The following DLGAP1 variants were observed in gnomAD, a reference collection of about 807,000 sequenced individuals.
The protein encoded by DLGAP1 is disks large-associated protein 1.
DLGAP1 carries 11 observed loss-of-function variants against 90.8 expected under a neutral mutation model. The ratio of observed to expected loss-of-function variants is 0.12; its 90% CI spans 0.08 to 0.20. The LOEUF is 0.20. Among genes scored for constraint, DLGAP1 ranks in the 10% least tolerant of loss-of-function variants. The pLI is 1.00. For missense variants in DLGAP1, 1,050 were observed against 1,333.8 expected, an observed-to-expected ratio of 0.79 and a Z score of 3.31; for synonymous variants, 558 against 540.7, an observed-to-expected ratio of 1.03 and a Z score of -0.44.
chr18:4,265,658 TCCCTC>T (rs1568480304), intron 1 of DLGAP1, among the ~76,000 whole-genome samples: 21 of 45,962 alleles, frequency 4.6e-4, no homozygotes, highest in African/African-American at 3.9e-3. Flanking sequence ...CCTCCCTCCC[TCCCTC>T]CCTTCCTTCC....
intron 1 of DLGAP1, among the ~76,000 whole-genome samples, chr18:4,245,452 C>A (rs2078634766): frequency 6.6e-6 from 1 of 152,128 alleles, no homozygotes; most frequent in Admixed American, 6.5e-5. Context: ...AGAAAAAAGA[C>A]AAAGCTTGCT....
chr18:3,599,909 TC>T (rs2145699923), intron 7 of DLGAP1, among the ~76,000 whole-genome samples: 1 of 151,078 alleles, frequency 6.6e-6, no homozygotes, highest in South Asian at 2.1e-4. Flanking sequence ...GAGCCACCAT[TC>T]CCAGCCAATT....
intron 1 of DLGAP1, among the ~76,000 whole-genome samples, chr18:4,354,992 T>A (rs778199955): frequency 3.0e-4 from 44 of 148,066 alleles, no homozygotes; most frequent in Non-Finnish European, 5.8e-4. Context: ...CTCGCCAGGA[T>A]GCAGAGACTC....
chr18:4,178,989 G>A (rs970031923), intron 1 of DLGAP1, among the ~76,000 whole-genome samples: 2 of 152,086 alleles, frequency 1.3e-5, no homozygotes, highest in South Asian at 2.1e-4. Flanking sequence ...GGAAAATTAT[G>A]TGTTTAGTGT....
chr18:4,436,477 C>G (rs1337213920), intron 1 of DLGAP1, among the ~76,000 whole-genome samples: 1 of 152,088 alleles, frequency 6.6e-6, no homozygotes, highest in Non-Finnish European at 1.5e-5. Flanking sequence ...GTTGCTGGTC[C>G]AGAACCCATA....
rs1003602118 is a variant in DLGAP1, at chr18:4,062,405, C to T, written c.-158-57204G>A. ...ATCTACACAGTCCGTGTACAGGGTA[C>T]CTGATTTGTGGTAAGTAAAGAATGT... On this transcript the variant is annotated intron_variant, in intron 2 of 12. Transcript: ENST00000315677. Among the ~76,000 whole-genome samples, 7 of 152,256 alleles carry T rather than the reference C, an allele frequency of 4.6e-5. No individual in the cohort carries two copies. The South Asian group carries it at 1.2e-3, about 27-fold the overall frequency.
intron 7 of DLGAP1, among the ~76,000 whole-genome samples, chr18:3,713,461 C>T (rs1461630129): frequency 6.6e-6 from 1 of 152,166 alleles, no homozygotes; most frequent in Non-Finnish European, 1.5e-5. Flanking sequence ...GGGGAGGCTT[C>T]AGTCTAAAAG....
intron 5 of DLGAP1, among the ~76,000 whole-genome samples, chr18:3,750,624 A>G (rs1040902352): frequency 1.3e-5 from 2 of 152,126 alleles, no homozygotes; most frequent in Non-Finnish European, 2.9e-5. Flanking sequence ...TGAGTCCTGT[A>G]TCCTTGAATG....
chr18:4,276,105 T>C (rs1351096067), intron 1 of DLGAP1, among the ~76,000 whole-genome samples: 1 of 148,918 alleles, frequency 6.7e-6, no homozygotes, highest in Non-Finnish European at 1.5e-5. Context: ...GTTTTGTCTA[T>C]TGTCCAAGAA....
At position 4,154,796 on chromosome 18, in the gene DLGAP1, ACTCATTCATTCT is replaced by A; in HGVS notation, c.-266-3521_-266-3510del. Among the ~76,000 whole-genome samples the A allele has an allele frequency of 2.0e-5, 3 of 152,268 alleles. 1 individual carries two copies. The Middle Eastern group carries it at 0.01, about 518-fold the overall frequency. On this transcript the variant is annotated intron_variant, in intron 1 of 12. Transcript: ENST00000315677. ...GTTAGTATGAGGAACAAGGGAAAGC[ACTCATTCATTCT>A]CTCATTCATTCATTCGCCCCACCGT...
At chr18:3,835,984 T>C (rs139299170) in intron 4 of DLGAP1, among the ~76,000 whole-genome samples, 3 of 152,328 alleles carry the variant, frequency 2.0e-5, no homozygotes, top group African/African-American at 7.2e-5. Flanking sequence ...CTTGACCTTA[T>C]ATACCTATTT....
At position 3,546,327 on chromosome 18, in the gene DLGAP1, T is replaced by C. The variant is rs947652088; in HGVS notation, c.2058-11712A>G. ...TACACCGGAGACTGAGGTGGGAGGA[T>C]CCCTTGAGACCAGGGAGGAAGAGGT... On this transcript the variant is annotated intron_variant, in intron 9 of 12. Transcript: ENST00000315677. Among the ~76,000 whole-genome samples, 26 of 150,014 alleles carry C rather than the reference T, an allele frequency of 1.7e-4. No homozygotes were observed. The South Asian group carries it at 2.9e-3, about 17-fold the overall frequency.
At chr18:3,999,082 T>C (rs1233600645) in intron 3 of DLGAP1, among the ~76,000 whole-genome samples, 1 of 152,162 alleles carries the variant, frequency 6.6e-6, no homozygotes, top group Non-Finnish European at 1.5e-5. Context: ...TTTCTCCCTG[T>C]CTCCTCAATC....
At chr18:4,262,746 T>C (rs991770416) in intron 1 of DLGAP1, among the ~76,000 whole-genome samples, 9 of 152,162 alleles carry the variant, frequency 5.9e-5, no homozygotes, top group Non-Finnish European at 1.2e-4. Flanking sequence ...TCCCTAGTTA[T>C]GTGTCCCTGG....
At chr18:4,260,524 T>A (rs532962039) in intron 1 of DLGAP1, among the ~76,000 whole-genome samples, 66 of 152,332 alleles carry the variant, frequency 4.3e-4, no homozygotes, top group Non-Finnish European at 7.8e-4. Flanking sequence ...GTCTTAGTCT[T>A]CTCACAGATT....
rs1048194198 is a variant in DLGAP1, at chr18:3,526,585, A to T, written c.2479+7609T>A. Among the ~76,000 whole-genome samples the T allele has an allele frequency of 4.6e-5, 7 of 152,238 alleles. No homozygotes were observed. Among genetic ancestry groups the T allele is most frequent in the African/African-American group, 1.7e-4 (7 of 41,460 alleles). ...CTCTAGGTTTATCAGTTTGTTTCAG[A>T]TAAAGCCTGAAAATTCCACGTATTT... On this transcript the variant is annotated intron_variant, in intron 10 of 12. Coordinates refer to ENST00000315677, the MANE Select transcript of DLGAP1 (RefSeq NM_004746.4). This position sits in a 1 kb window ranked among gnomAD's most constrained non-coding sequence, Gnocchi z 4.7.
At chr18:4,307,647 T>C (rs896768313) in intron 1 of DLGAP1, among the ~76,000 whole-genome samples, 14 of 151,336 alleles carry the variant, frequency 9.3e-5, no homozygotes, top group African/African-American at 2.9e-4. Context: ...CGGCAGGGCC[T>C]GCAGTCTCTG....
chr18:3,514,148 C>A (rs1230273563), intron 10 of DLGAP1, among the ~76,000 whole-genome samples: 1 of 151,700 alleles, frequency 6.6e-6, no homozygotes, highest in Non-Finnish European at 1.5e-5. Flanking sequence ...ACTCTGTCAC[C>A]CAGGCTGGAG....
rs1297714338 is a variant in DLGAP1, at chr18:3,990,885, T to A, written c.-73+14231A>T. ...CTTCTATTAAACCAGTTATTAGTTA[T>A]AAAAATGTAAAATAAAACCACTCAC... On this transcript the variant is annotated intron_variant, in intron 3 of 12. Coordinates refer to ENST00000315677, the MANE Select transcript of DLGAP1 (RefSeq NM_004746.4). Among the ~76,000 whole-genome samples, 13 of 151,806 alleles carry A rather than the reference T, an allele frequency of 8.6e-5. 1 individual carries two copies.
Sources: gnomAD v4.1 joint callset for allele counts (sites outside exome capture counted in the v4.1 genomes callset) on GRCh38, gnomAD v4.1.1 for gene constraint, Gnocchi (gnomAD v3.1) non-coding constraint, MANE v1.5 for transcripts, NCBI Gene and HGNC (gene_info 2026-07-23, HGNC 2026-07-21) for gene names.